MAD1L1: variants seen among roughly 807,000 people sequenced by gnomAD.
The protein encoded by MAD1L1 is mitotic spindle assembly checkpoint protein MAD1.
A neutral mutation model predicts 96.9 loss-of-function variants in MAD1L1; 95 were observed. The observed-to-expected ratio is 0.98, with a 90% CI of 0.83 to 1.16. The LOEUF (loss-of-function observed/expected upper bound fraction) is 1.16. Ranked by LOEUF, MAD1L1 falls within the 50% of genes most tolerant of loss-of-function variation. The pLI is 0.00. For missense variants in MAD1L1, 1,007 were observed against 954.4 expected (o/e 1.06, Z -0.73); for synonymous variants, 473 against 396.6 (o/e 1.19, Z -2.29).
At chr7:1,903,255 C>T in intron 17 of MAD1L1, among the ~76,000 whole-genome samples, 1 of 151,180 alleles carries the variant, frequency 6.6e-6, no homozygotes, top group African/African-American at 2.4e-5. Context: ...ACGCAGTGGC[C>T]TACGGAAGAC....
At chr7:2,227,841 G>C (rs1371547622) in intron 3 of MAD1L1, among the ~76,000 whole-genome samples, 1 of 152,218 alleles carries the variant, frequency 6.6e-6, no homozygotes, top group African/African-American at 2.4e-5. Context: ...GCAGGGACCA[G>C]GAGTCCCAGA....
chr7:2,213,381 C>T (rs1040049628), intron 9 of MAD1L1, 108 bp from the exon 10 acceptor site: 2 of 1,004,862 alleles, frequency 2.0e-6, no homozygotes, highest in African/African-American at 1.6e-5. Flanking sequence ...TCAGGAGAGC[C>T]TGCCCTCATC....
At chr7:1,844,413 C>T (rs565646816) in intron 18 of MAD1L1, among the ~76,000 whole-genome samples, 37 of 152,298 alleles carry the variant, frequency 2.4e-4, no homozygotes, top group African/African-American at 8.7e-4. Flanking sequence ...GGAGAGACGC[C>T]GGTTGGGTGC....
At chr7:1,974,328 G>A (rs1227609447) in intron 15 of MAD1L1, among the ~76,000 whole-genome samples, 1 of 152,196 alleles carries the variant, frequency 6.6e-6, no homozygotes, top group African/African-American at 2.4e-5. Flanking sequence ...AAACGCTTAA[G>A]GAAATCATCC....
chr7:1,974,303 G>A (rs1010841477), intron 15 of MAD1L1, among the ~76,000 whole-genome samples: 1 of 152,238 alleles, frequency 6.6e-6, no homozygotes, highest in Non-Finnish European at 1.5e-5. Context: ...CCTGGCACAG[G>A]CAGCTGGGAC....
At chr7:1,965,278 C>T (rs1297276202) in intron 15 of MAD1L1, among the ~76,000 whole-genome samples, 1 of 152,174 alleles carries the variant, frequency 6.6e-6, no homozygotes, top group African/African-American at 2.4e-5. Context: ...CGGAGCACCT[C>T]GCCCCTCCAG....
Position 1,908,393 on chromosome 7 carries a change from G to GT in MAD1L1, c.1808-10004dup, listed in dbSNP as rs1562513429. ...CTCCTCCTTCAGTTGTGTTTGTTTT[G>GT]TTTTTTGAGACAGGGTCTCACTCTG... On this transcript the variant is annotated intron_variant, in intron 17 of 18. Transcript: ENST00000265854. 2.6e-5 allele frequency among the ~76,000 whole-genome samples: 4 copies of GT among 152,170 alleles called. No homozygotes were observed. The South Asian group carries it at 6.2e-4, about 24-fold the overall frequency.
At chr7:1,897,151 G>A (rs1373026227) in intron 18 of MAD1L1, among the ~76,000 whole-genome samples, 1 of 87,982 alleles carries the variant, frequency 1.1e-5, no homozygotes, top group Non-Finnish European at 2.1e-5. Context: ...AGAAGGAGGA[G>A]GAAGAGCCGG....
intron 11 of MAD1L1, among the ~76,000 whole-genome samples, chr7:2,070,271 C>T (rs949099093): frequency 2.0e-5 from 3 of 152,196 alleles, no homozygotes; most frequent in African/African-American, 7.2e-5. Context: ...TCTGTGATTC[C>T]GGGAACCCCA....
chr7:2,100,217 TGAG>T (rs1786708478), intron 11 of MAD1L1, among the ~76,000 whole-genome samples: 1 of 151,972 alleles, frequency 6.6e-6, no homozygotes, highest in Admixed American at 6.6e-5. Context: ...GCAGGGAAAA[TGAG>T]GAGGAAAAGG....
At chr7:2,149,352 G>C in intron 10 of MAD1L1, 114 bp from the exon 11 acceptor site, 1 of 835,268 alleles carries the variant, frequency 1.2e-6, no homozygotes, top group Non-Finnish European at 2.0e-6. Flanking sequence ...CTGGGACCCA[G>C]GATGTGTGAA....
chr7:2,068,226 C>T (rs1045833833), intron 12 of MAD1L1, among the ~76,000 whole-genome samples: 6 of 152,198 alleles, frequency 3.9e-5, no homozygotes, highest in Non-Finnish European at 7.4e-5. Flanking sequence ...GCCTGTGTTC[C>T]GGGTGCCCAC....
chr7:2,138,823 G>A (rs1419811895), intron 11 of MAD1L1, among the ~76,000 whole-genome samples: 1 of 152,150 alleles, frequency 6.6e-6, no homozygotes, highest in African/African-American at 2.4e-5. Flanking sequence ...CCCAGTGACA[G>A]AGACCACAGA....
At chr7:1,828,728 C>CGCACACAT (rs56226144) in intron 18 of MAD1L1, among the ~76,000 whole-genome samples, 27,075 of 151,960 alleles carry the variant, frequency 0.18, 2,764 homozygotes, top group South Asian at 0.34. Flanking sequence ...CACAGGCACA[C>CGCACACAT]GCACACATGC....
At chr7:2,051,338 A>C (rs965054878) in intron 12 of MAD1L1, among the ~76,000 whole-genome samples, 1 of 152,160 alleles carries the variant, frequency 6.6e-6, no homozygotes, top group Non-Finnish European at 1.5e-5. Flanking sequence ...GGAATTCCAC[A>C]GCCTCTCTCC....
chr7:2,095,868 C>T (rs192017377), intron 11 of MAD1L1, among the ~76,000 whole-genome samples: 373 of 152,246 alleles, frequency 2.4e-3, no homozygotes, highest in Non-Finnish European at 3.4e-3. Flanking sequence ...GCCGGCAGCC[C>T]TAGGGTGGGT....
chr7:2,121,226 G>A (rs1290866586), intron 11 of MAD1L1, among the ~76,000 whole-genome samples: 1 of 152,264 alleles, frequency 6.6e-6, no homozygotes, highest in Non-Finnish European at 1.5e-5. Context: ...ATTTCCATGT[G>A]AGGTGTAGGC....
At chr7:1,920,808 AC>A (rs2128456333) in intron 17 of MAD1L1, among the ~76,000 whole-genome samples, 1 of 152,348 alleles carries the variant, frequency 6.6e-6, no homozygotes, top group East Asian at 1.9e-4. Flanking sequence ...AGACAACATC[AC>A]CTACACCCCA....
chr7:1,889,932 G>C (rs942621487), intron 18 of MAD1L1, among the ~76,000 whole-genome samples: 2 of 152,234 alleles, frequency 1.3e-5, no homozygotes, highest in African/African-American at 4.8e-5. Context: ...GCAACAGCTG[G>C]GCTCTGGGCC....
Sources: allele counts gnomAD v4.1 joint callset (sites outside exome capture counted in the v4.1 genomes callset), GRCh38; gene constraint gnomAD v4.1.1; transcripts MANE v1.5; gene names NCBI Gene and HGNC (gene_info 2026-07-23, HGNC 2026-07-21).